CACNB2: variants seen among roughly 807,000 people sequenced by gnomAD.
The protein encoded by CACNB2 is calcium voltage-gated channel auxiliary subunit beta 2.
A neutral mutation model predicts 73.3 loss-of-function variants in CACNB2; 42 were observed. That is an observed-to-expected ratio of 0.57 (90% CI 0.45 to 0.74). CACNB2 has a LOEUF of 0.74. Among genes scored for constraint, CACNB2 ranks in the 30% least tolerant of loss-of-function variants. CACNB2 has a pLI of 0.00. For missense variants in CACNB2, 940 were observed against 853.0 expected (o/e 1.10, Z -1.27); for synonymous variants, 348 against 310.3 (o/e 1.12, Z -1.28).
intron 3 of CACNB2, among the ~76,000 whole-genome samples, chr10:18,422,528 TTC>T (rs2045379301): frequency 6.6e-6 from 1 of 152,208 alleles, no homozygotes; most frequent in Non-Finnish European, 1.5e-5. Context: ...CTATTGCTCT[TTC>T]TCATCAACTT....
intron 2 of CACNB2, among the ~76,000 whole-genome samples, chr10:18,280,516 C>G (rs2038497451): frequency 6.6e-6 from 1 of 152,132 alleles, no homozygotes; most frequent in Non-Finnish European, 1.5e-5. Flanking sequence ...TAAAAAGGTA[C>G]TCTCTTTGAG....
In CACNB2 at chr10:18,539,593, CACAACGAGT is replaced by C. The variant is rs1564678741; in HGVS notation, c.1853_1861del (p.His618_Cys621delinsArg). On this transcript the variant is annotated inframe_deletion, in exon 14 of 14. Transcript: ENST00000324631. ...CCGGGACGTGGATCGAGAGCAGGAC[CACAACGAGT>C]GCAACAAGCAGCGCAGCCGTCATAA... 6.2e-7 allele frequency: 1 copy of C among 1,613,734 alleles called. No individual in the cohort carries two copies. The highest frequency in any genetic ancestry group is 8.5e-7 in the Non-Finnish European group (1 of 1,179,930).
intron 3 of CACNB2, among the ~76,000 whole-genome samples, chr10:18,441,503 T>C (rs2046408804): frequency 6.6e-6 from 1 of 152,218 alleles, no homozygotes; most frequent in South Asian, 2.1e-4. Context: ...CTGCTTTTCA[T>C]CTTTTTCTTT....
chr10:18,300,344 T>C (rs189322963), intron 2 of CACNB2, among the ~76,000 whole-genome samples: 63 of 152,284 alleles, frequency 4.1e-4, no homozygotes, highest in Non-Finnish European at 6.3e-4. Context: ...AATATCTCTG[T>C]ATGTCTGTTG....
At chr10:18,346,700 C>T (rs1248911122) in intron 2 of CACNB2, among the ~76,000 whole-genome samples, 1 of 151,126 alleles carries the variant, frequency 6.6e-6, no homozygotes, top group Admixed American at 6.6e-5. Context: ...AGGCTCAAGC[C>T]ATCATCCCAT....
intron 3 of CACNB2, among the ~76,000 whole-genome samples, chr10:18,489,321 C>A (rs1006383363): frequency 7.8e-6 from 1 of 128,240 alleles, no homozygotes; most frequent in African/African-American, 3.0e-5. Context: ...ACCTGGGAGG[C>A]GGTGGTTGCA....
intron 2 of CACNB2, among the ~76,000 whole-genome samples, chr10:18,387,619 ATC>A (rs1270332484): frequency 2.0e-5 from 3 of 152,308 alleles, no homozygotes; most frequent in African/African-American, 7.2e-5. Flanking sequence ...GGCTTGGAGT[ATC>A]TGAGTCTGGT....
Position 18,415,451 on chromosome 10 carries a change from G to C in CACNB2, c.333+13408G>C, listed in dbSNP as rs543079411. On this transcript the variant is annotated intron_variant, in intron 3 of 13. Coordinates refer to ENST00000324631, the MANE Select transcript of CACNB2 (RefSeq NM_201596.3). ...AATATACTCCAGCCTGCATGACACAGAAAGACCTTGTCTCTTAAAAAAAAA... is the reference window on the plus strand; with the variant it reads ...AATATACTCCAGCCTGCATGACACACAAAGACCTTGTCTCTTAAAAAAAAA... Among the ~76,000 whole-genome samples the C allele has an allele frequency of 2.2e-5, 3 of 138,758 alleles. No individual in the cohort carries two copies. The Admixed American group carries it at 2.2e-4, about 10-fold the overall frequency. The allele number at this position is 138,758 out of a possible 152,430, so 91.0% of individuals were successfully genotyped here. A position where few individuals can be genotyped will look rare whatever the true frequency, so the allele number is the denominator to read the frequency against.
intron 2 of CACNB2, among the ~76,000 whole-genome samples, chr10:18,154,894 C>T (rs760197418): frequency 3.9e-5 from 6 of 152,172 alleles, no homozygotes; most frequent in Non-Finnish European, 5.9e-5. Context: ...AAAAAGCAAC[C>T]CTGCTGACAC....
chr10:18,249,799 G>T (rs769904902), intron 2 of CACNB2, among the ~76,000 whole-genome samples: 1 of 152,126 alleles, frequency 6.6e-6, no homozygotes, highest in Non-Finnish European at 1.5e-5. Context: ...TGGACCCTGG[G>T]ATTATATATG....
chr10:18,251,438 G>T (rs1270822266), intron 2 of CACNB2, among the ~76,000 whole-genome samples: 2 of 151,992 alleles, frequency 1.3e-5, no homozygotes, highest in Admixed American at 6.6e-5. Context: ...AGTAGAGATG[G>T]GGTTTCACCA....
intron 2 of CACNB2, chr10:18,261,355 G>A: frequency 1.3e-6 from 2 of 1,551,528 alleles, no homozygotes; most frequent in Non-Finnish European, 1.7e-6. Flanking sequence ...GCTGGGAGCT[G>A]AAAATACTAT....
At chr10:18,235,770 G>C (rs1444483116) in intron 2 of CACNB2, among the ~76,000 whole-genome samples, 1 of 152,122 alleles carries the variant, frequency 6.6e-6, no homozygotes, top group Non-Finnish European at 1.5e-5. Context: ...TGGTTGGTTA[G>C]ATATTACAGC....
At chr10:18,417,604 G>A (rs1266180658) in intron 3 of CACNB2, among the ~76,000 whole-genome samples, 3 of 151,992 alleles carry the variant, frequency 2.0e-5, no homozygotes, top group Non-Finnish European at 4.4e-5. Context: ...CTGACCTCAA[G>A]TGATCCACCT....
intron 2 of CACNB2, among the ~76,000 whole-genome samples, chr10:18,199,628 A>C (rs2034785924): frequency 6.6e-6 from 1 of 152,178 alleles, no homozygotes. Flanking sequence ...AGATCTTATA[A>C]GGTATACCAG....
intron 9 of CACNB2, chr10:18,519,689 G>A (rs1197443097): frequency 2.2e-6 from 1 of 455,828 alleles, no homozygotes. Context: ...TGCTCTAGGT[G>A]TCTCATTTTT....
intron 2 of CACNB2, among the ~76,000 whole-genome samples, chr10:18,184,451 G>A (rs1216301634): frequency 6.6e-6 from 1 of 152,116 alleles, no homozygotes; most frequent in African/African-American, 2.4e-5. Context: ...TTAACATCTT[G>A]TATAAGTATG....
intron 9 of CACNB2, among the ~76,000 whole-genome samples, chr10:18,526,974 T>A (rs779798869): frequency 6.6e-6 from 1 of 152,174 alleles, no homozygotes; most frequent in Non-Finnish European, 1.5e-5. Flanking sequence ...TCAGCAACAG[T>A]GGGATAATAG....
At chr10:18,200,558 T>C (rs2034836049) in intron 2 of CACNB2, among the ~76,000 whole-genome samples, 1 of 152,146 alleles carries the variant, frequency 6.6e-6, no homozygotes, top group East Asian at 1.9e-4. Flanking sequence ...GTAAAAATGA[T>C]CCATTGTGTT....
Sources: gnomAD v4.1 joint callset for allele counts (sites outside exome capture counted in the v4.1 genomes callset) on GRCh38, gnomAD v4.1.1 for gene constraint, MANE v1.5 for transcripts, NCBI Gene and HGNC (gene_info 2026-07-23, HGNC 2026-07-21) for gene names.